Variants in HECW1 observed in about 807,000 individuals in gnomAD.
HECW1 encodes the protein E3 ubiquitin-protein ligase HECW1.
In HECW1, 61 loss-of-function variants were observed where a neutral mutation model predicts 182.3. The ratio of observed to expected loss-of-function variants is 0.33; its 90% CI spans 0.27 to 0.41. The LOEUF (loss-of-function observed/expected upper bound fraction) is 0.41. HECW1 is among the 10% of genes least tolerant of loss of function. The pLI is 1.00. For synonymous variants in HECW1, 859 were observed against 832.6 expected (o/e 1.03, Z -0.55); for missense variants, 1,739 against 2,108.9 (o/e 0.82, Z 3.44).
intron 11 of HECW1, among the ~76,000 whole-genome samples, chr7:43,447,379 T>C (rs1451188878): frequency 1.3e-5 from 2 of 152,072 alleles, no homozygotes; most frequent in Non-Finnish European, 2.9e-5. Context: ...GTCTAGCAGG[T>C]GGAAGAGCAG....
chr7:43,508,937 A>G (rs1176468225), intron 23 of HECW1, 32 bp from the exon 24 acceptor site: 1 of 1,608,968 alleles, frequency 6.2e-7, no homozygotes, highest in South Asian at 1.1e-5. Context: ...CGGGCACAGA[A>G]TGAGCTTCCT....
chr7:43,380,995 T>C (rs6463187), intron 6 of HECW1, among the ~76,000 whole-genome samples: 96,226 of 151,694 alleles, frequency 0.63, 30,858 homozygotes, highest in African/African-American at 0.72. Flanking sequence ...ACATCCTTGC[T>C]AACACTTGAT....
rs779276765 is a variant in HECW1, at chr7:43,463,771, A to G, written c.2763A>G (p.Ser921=). ...GAGGCGGAGGTGGAGGGAGTGACTC[A>G]GAAGCCGAATCTTCCCAGTCCAGCT... ...AGGGGGGGSD[S]EAESSQSSLD... is the part of the protein sequence containing the mutation. Residue 921 remains serine, a synonymous_variant, in exon 14 of 30, where the codon TCA becomes TCG. Coordinates refer to ENST00000395891, the MANE Select transcript of HECW1 (RefSeq NM_015052.5). The G allele has an allele frequency of 3.1e-6, 5 of 1,613,924 alleles. No homozygotes were observed. The highest frequency in any genetic ancestry group is 2.2e-5 in the East Asian group (1 of 44,884).
intron 8 of HECW1, among the ~76,000 whole-genome samples, chr7:43,411,490 G>A (rs1252964717): frequency 6.6e-6 from 1 of 152,098 alleles, no homozygotes; most frequent in Admixed American, 6.5e-5. Context: ...AATATCAGTT[G>A]AGTCAAGGTG....
intron 5 of HECW1, among the ~76,000 whole-genome samples, chr7:43,334,452 G>T (rs528150844): frequency 6.6e-6 from 1 of 152,236 alleles, no homozygotes; most frequent in East Asian, 1.9e-4. Context: ...AGTCAATATG[G>T]TACCTAAGAA....
chr7:43,499,035 C>T (rs1162172617), intron 19 of HECW1, among the ~76,000 whole-genome samples: 1 of 152,008 alleles, frequency 6.6e-6, no homozygotes. Context: ...AATCCCAGCA[C>T]TTTGGGAGGC....
chr7:43,209,992 G>C (rs1478569268), intron 2 of HECW1, among the ~76,000 whole-genome samples: 1 of 152,176 alleles, frequency 6.6e-6, no homozygotes, highest in Non-Finnish European at 1.5e-5. Flanking sequence ...TGAACTTTGG[G>C]CTCTTCTCCA....
At chr7:43,149,845 G>A (rs1014510181) in intron 2 of HECW1, among the ~76,000 whole-genome samples, 3 of 152,006 alleles carry the variant, frequency 2.0e-5, no homozygotes, top group Non-Finnish European at 4.4e-5. Context: ...TGCAAATAAT[G>A]ATGATTTTAC....
At chr7:43,422,406 AG>A (rs1221394684) in intron 8 of HECW1, among the ~76,000 whole-genome samples, 1 of 144,528 alleles carries the variant, frequency 6.9e-6, no homozygotes, top group Non-Finnish European at 1.5e-5. Context: ...TCTGTCACCC[AG>A]GCTGGAGTGC....
chr7:43,172,020 GTAATCCC>G (rs1229306760), intron 2 of HECW1, among the ~76,000 whole-genome samples: 4 of 152,064 alleles, frequency 2.6e-5, no homozygotes, highest in African/African-American at 9.6e-5. Flanking sequence ...GCTCACATCT[GTAATCCC>G]AGCACTTTGG....
At chr7:43,320,124 T>A (rs942615447) in intron 4 of HECW1, among the ~76,000 whole-genome samples, 1 of 152,106 alleles carries the variant, frequency 6.6e-6, no homozygotes, top group Non-Finnish European at 1.5e-5. Context: ...GCATGATGGA[T>A]GGATGGATAA....
chr7:43,409,769 T>A (rs1175908610), intron 8 of HECW1, among the ~76,000 whole-genome samples: 1 of 152,178 alleles, frequency 6.6e-6, no homozygotes. Flanking sequence ...TAAAGGAGAT[T>A]TGAACCAAGG....
chr7:43,192,886 A>G (rs1326744806), intron 2 of HECW1, among the ~76,000 whole-genome samples: 1 of 152,232 alleles, frequency 6.6e-6, no homozygotes, highest in Non-Finnish European at 1.5e-5. Context: ...CTCACAGGGT[A>G]AAGTGAAAGC....
At chr7:43,151,278 T>G (rs548572886) in intron 2 of HECW1, among the ~76,000 whole-genome samples, 1 of 152,258 alleles carries the variant, frequency 6.6e-6, no homozygotes, top group East Asian at 1.9e-4. Flanking sequence ...ATTTTTGGGG[T>G]TTCCTTGACT....
At chr7:43,409,262 A>T (rs1274339768) in intron 8 of HECW1, among the ~76,000 whole-genome samples, 1 of 152,240 alleles carries the variant, frequency 6.6e-6, no homozygotes, top group African/African-American at 2.4e-5. Context: ...AAACACTGAT[A>T]GCACCGCTAG....
chr7:43,175,645 G>C (rs774735250), intron 2 of HECW1, among the ~76,000 whole-genome samples: 1 of 152,188 alleles, frequency 6.6e-6, no homozygotes, highest in Non-Finnish European at 1.5e-5. Context: ...AAGGCAAATA[G>C]AGTAAATCTA....
At chr7:43,199,903 A>G (rs990797985) in intron 2 of HECW1, among the ~76,000 whole-genome samples, 1 of 152,122 alleles carries the variant, frequency 6.6e-6, no homozygotes, top group Non-Finnish European at 1.5e-5. Flanking sequence ...TCACTGTTGT[A>G]AGTACTGAGG....
chr7:43,145,488 G>A (rs1005678761), intron 2 of HECW1, among the ~76,000 whole-genome samples: 1 of 152,006 alleles, frequency 6.6e-6, no homozygotes, highest in Admixed American at 6.6e-5. Context: ...GTAGAGACAG[G>A]GTTTTGCTAT....
chr7:43,430,847 T>C lies in HECW1; in HGVS notation c.802-7156T>C, dbSNP rs981012514. Reference sequence around the variant, plus strand: ...CCCAGGCTGGAGTGCAGTGGGGTGATCTCGGCTCACCACAACCTCTGCCTC... The same window carrying C: ...CCCAGGCTGGAGTGCAGTGGGGTGACCTCGGCTCACCACAACCTCTGCCTC... On this transcript the variant is annotated intron_variant, in intron 8 of 29. Coordinates refer to ENST00000395891, the MANE Select transcript of HECW1 (RefSeq NM_015052.5). 4.3e-5 allele frequency among the ~76,000 whole-genome samples: 6 copies of C among 141,010 alleles called. No homozygotes were observed. In the Admixed American group the frequency reaches 4.3e-4, roughly 10 times the overall value. 92.5% of individuals were successfully genotyped at this position (141,010 alleles called of 152,430 possible). A position where few individuals can be genotyped will look rare whatever the true frequency, so the allele number is the denominator to read the frequency against.
Sources: allele counts gnomAD v4.1 joint callset (sites outside exome capture counted in the v4.1 genomes callset), GRCh38; gene constraint gnomAD v4.1.1; transcripts MANE v1.5; gene names NCBI Gene and HGNC (gene_info 2026-07-23, HGNC 2026-07-21).